The following NCAPD3 variants were observed in gnomAD, a reference collection of about 807,000 sequenced individuals.
NCAPD3 encodes the protein condensin-2 complex subunit D3.
A neutral mutation model predicts 182.9 loss-of-function variants in NCAPD3; 105 were observed. That is an observed-to-expected ratio of 0.57 (90% CI 0.49 to 0.68). The LOEUF (loss-of-function observed/expected upper bound fraction) is 0.68. Among genes scored for constraint, NCAPD3 ranks in the 30% least tolerant of loss-of-function variants. NCAPD3 has a pLI of 0.00. For missense variants in NCAPD3, 1,944 were observed against 1,837.0 expected (o/e 1.06, Z -1.07); for synonymous variants, 815 against 679.9 (o/e 1.20, Z -3.09).
chr11:134,159,984 ACTT>A lies in NCAPD3; in HGVS notation c.3772_3774del (p.Lys1258del), dbSNP rs775691439. Reference sequence around the variant, plus strand: ...TGCTCCTGGACCAGCTGTTCCTGGTACTTCTTCATGTCATACTCAAGCTCTGAT... The same window carrying A: ...TGCTCCTGGACCAGCTGTTCCTGGTACTTCATGTCATACTCAAGCTCTGAT... On this transcript the variant is annotated inframe_deletion, in exon 29 of 35. Coordinates refer to ENST00000534548, the MANE Select transcript of NCAPD3 (RefSeq NM_015261.3). 69 of 1,613,992 alleles carry A rather than the reference ACTT, an allele frequency of 4.3e-5. No homozygotes were observed. The South Asian group carries it at 6.4e-4, about 15-fold the overall frequency.
intron 13 of NCAPD3, 97 bp downstream of exon 13, chr11:134,202,719 C>G: frequency 2.3e-6 from 2 of 884,972 alleles, no homozygotes; most frequent in Non-Finnish European, 3.4e-6. Flanking sequence ...GTGAATAAAT[C>G]AGAAAAAAAA....
chr11:134,155,935 G>A lies in NCAPD3; in HGVS notation c.4252+1083C>T, dbSNP rs188954739. Among the ~76,000 whole-genome samples the A allele has an allele frequency of 1.8e-3, 271 of 152,222 alleles. 6 individuals are homozygous for A. The highest frequency in any genetic ancestry group is 4.0e-4 in the Non-Finnish European group (27 of 68,032). ...ACCTCTAACCTGTTAACTATTCTAA[G>A]AGATCACAGCATCAGTGTGACAGAA... On this transcript the variant is annotated intron_variant, in intron 32 of 34. Coordinates refer to ENST00000534548, the MANE Select transcript of NCAPD3 (RefSeq NM_015261.3).
At chr11:134,165,205 G>A (rs576951598) in intron 27 of NCAPD3, among the ~76,000 whole-genome samples, 93 of 140,514 alleles carry the variant, frequency 6.6e-4, no homozygotes, top group African/African-American at 1.9e-3. Context: ...TTGGGGGAGC[G>A]GCACACTTGT....
At chr11:134,202,549 TA>T (rs1944770812) in intron 13 of NCAPD3, among the ~76,000 whole-genome samples, 1 of 151,898 alleles carries the variant, frequency 6.6e-6, no homozygotes, top group Non-Finnish European at 1.5e-5. Flanking sequence ...AGCTGATTTT[TA>T]TATATATTTT....
intron 12 of NCAPD3, 58 bp from the exon 13 acceptor site, chr11:134,202,963 T>C: frequency 7.4e-7 from 1 of 1,357,968 alleles, no homozygotes; most frequent in South Asian, 1.3e-5. Context: ...TTAATAACAT[T>C]AGCAGGGCAT....
At position 134,204,459 on chromosome 11, in the gene NCAPD3, T is replaced by G. The variant is rs764763789; in HGVS notation, c.1090-288A>C. 3.3e-5 allele frequency among the ~76,000 whole-genome samples: 5 copies of G among 152,230 alleles called. No homozygotes were observed. Among genetic ancestry groups the G allele is most frequent in the Non-Finnish European group, 7.3e-5 (5 of 68,036 alleles). On this transcript the variant is annotated intron_variant, in intron 9 of 34. Coordinates refer to ENST00000534548, the MANE Select transcript of NCAPD3 (RefSeq NM_015261.3). This position sits in a 1 kb window ranked among gnomAD's most constrained non-coding sequence, Gnocchi z 4.3. ...TCAAATTAAGAATCATTTGTCTAAA[T>G]GGTTATAAAAATGTAGAGATCATCA...
intron 30 of NCAPD3, 108 bp from the exon 31 acceptor site, chr11:134,158,175 C>A (rs1305300964): frequency 2.6e-6 from 4 of 1,522,574 alleles, no homozygotes; most frequent in Middle Eastern, 2.2e-4. Context: ...TCCCTCACCA[C>A]CCTCATTCAA....
chr11:134,168,485 G>T lies in NCAPD3; in HGVS notation c.3357C>A (p.Ile1119=). The T allele has an allele frequency of 1.9e-6, 3 of 1,614,194 alleles. No individual in the cohort carries two copies. The highest frequency in any genetic ancestry group is 2.5e-6 in the Non-Finnish European group (3 of 1,180,024). Residue 1119 remains isoleucine, a synonymous_variant, in exon 26 of 35, where the codon ATC becomes ATA. Transcript: ENST00000534548. ...DEQRFNITSK[I]CLSILACFAD... ...TGGGCTTACCCAAAATACTAAGGCA[G>T]ATTTTGGAAGTGATGTTGAATCGCT...
intron 13 of NCAPD3, among the ~76,000 whole-genome samples, chr11:134,197,817 A>C (rs1944668186): frequency 6.6e-6 from 1 of 152,234 alleles, no homozygotes; most frequent in Non-Finnish European, 1.5e-5. Flanking sequence ...CAGAGAAAGC[A>C]TTTGCAAATT....
intron 14 of NCAPD3, 148 bp downstream of exon 14, chr11:134,194,517 G>T: frequency 1.9e-6 from 1 of 529,784 alleles, no homozygotes; most frequent in Non-Finnish European, 3.2e-6. Context: ...GTTCGTCTAT[G>T]ATTCATATAC....
chr11:134,195,233 T>C (rs1480650394), intron 13 of NCAPD3, among the ~76,000 whole-genome samples: 1 of 151,744 alleles, frequency 6.6e-6, no homozygotes, highest in Non-Finnish European at 1.5e-5. Context: ...CCCAAGTAGC[T>C]AGGAATACAG....
At chr11:134,161,403 T>C (rs971530718) in intron 28 of NCAPD3, among the ~76,000 whole-genome samples, 1 of 152,154 alleles carries the variant, frequency 6.6e-6, no homozygotes, top group African/African-American at 2.4e-5. Flanking sequence ...TCTGAGTCAG[T>C]GCAAAAGGTA....
intron 19 of NCAPD3, among the ~76,000 whole-genome samples, chr11:134,184,247 G>C (rs905635941): frequency 6.6e-6 from 1 of 152,204 alleles, no homozygotes; most frequent in South Asian, 2.1e-4. Flanking sequence ...TTATCAGAAG[G>C]TCAGAAACCT....
At chr11:134,196,301 T>C (rs1366674811) in intron 13 of NCAPD3, among the ~76,000 whole-genome samples, 4 of 152,126 alleles carry the variant, frequency 2.6e-5, no homozygotes, top group Admixed American at 6.5e-5. Context: ...CTACAGAAAC[T>C]GACTCAAACA....
chr11:134,169,159 T>C (rs751527500), intron 24 of NCAPD3, 105 bp from the exon 25 acceptor site: 8 of 1,148,304 alleles, frequency 7.0e-6, no homozygotes, highest in Middle Eastern at 5.2e-4. Context: ...TACATAAGCG[T>C]AGGGATTCAA....
intron 19 of NCAPD3, 21 bp from the exon 20 acceptor site, chr11:134,181,205 T>A: frequency 1.3e-6 from 2 of 1,540,178 alleles, no homozygotes; most frequent in Non-Finnish European, 1.8e-6. Flanking sequence ...TCAAAAGTCA[T>A]CTCTGAAGGG....
chr11:134,181,390 T>C (rs1454343644), intron 19 of NCAPD3, among the ~76,000 whole-genome samples: 1 of 152,212 alleles, frequency 6.6e-6, no homozygotes, highest in Admixed American at 6.5e-5. Context: ...AAGTGGAATT[T>C]ATAAAGAACG....
intron 25 of NCAPD3, 51 bp from the exon 26 acceptor site, chr11:134,168,653 G>A (rs1201987893): frequency 6.2e-7 from 1 of 1,608,866 alleles, no homozygotes; most frequent in Admixed American, 1.7e-5. Context: ...CGGGTGTAAG[G>A]GATTTAACAC....
rs1361561909 is a variant in NCAPD3, at chr11:134,204,038, T to A, written c.1215+8A>T. 1 of 1,614,010 alleles carries A rather than the reference T, an allele frequency of 6.2e-7. No homozygotes were observed. Among genetic ancestry groups the A allele is most frequent in the Admixed American group, 1.7e-5 (1 of 60,008 alleles). ...GGACCCAAGGTTTTATGCAGAGCTA[T>A]CTCCTACCTTGGAACTTCGGGAGTA... On this transcript the variant is annotated splice_region_variant and intron_variant, in intron 10 of 34. Transcript: ENST00000534548. The surrounding 1 kb of genome is among the most constrained non-coding windows in gnomAD (Gnocchi z 4.3).
Sources: allele counts gnomAD v4.1 joint callset (sites outside exome capture counted in the v4.1 genomes callset), GRCh38; gene constraint gnomAD v4.1.1; non-coding constraint Gnocchi (gnomAD v3.1); transcripts MANE v1.5; gene names NCBI Gene and HGNC (gene_info 2026-07-23, HGNC 2026-07-21).